The following DPH6 variants were observed in gnomAD, a reference collection of about 807,000 sequenced individuals.
DPH6 encodes the protein diphthamine biosynthesis 6, also known as diphthine--ammonia ligase.
In DPH6, 33 loss-of-function variants were observed where a neutral mutation model predicts 38.2. That is an observed-to-expected ratio of 0.86 (90% confidence interval 0.65 to 1.15). The LOEUF (loss-of-function observed/expected upper bound fraction) is 1.15. Among genes scored for constraint, DPH6 ranks in the 50% most tolerant of loss-of-function variants. DPH6 has a pLI of 0.00. For missense variants in DPH6, 325 were observed against 320.0 expected (o/e 1.02, Z -0.12); for synonymous variants, 108 against 103.0 (o/e 1.05, Z -0.30).
intron 3 of DPH6, among the ~76,000 whole-genome samples, chr15:35,470,749 T>C (rs10851976): frequency 0.9 from 136,437 of 152,208 alleles, 61,296 homozygotes; most frequent in East Asian, 1. Context: ...AAAATGTATC[T>C]GGCTTCACAG....
chr15:35,236,712 C>T (rs964831170), intron 3 of DPH6, among the ~76,000 whole-genome samples: 5 of 151,704 alleles, frequency 3.3e-5, no homozygotes, highest in African/African-American at 1.2e-4. Context: ...TTATATGTAT[C>T]CTAATGGTAA....
chr15:35,513,456 G>A (rs539883532), intron 3 of DPH6, among the ~76,000 whole-genome samples: 2 of 152,032 alleles, frequency 1.3e-5, no homozygotes, highest in East Asian at 1.9e-4. Flanking sequence ...AGAGGTAGAA[G>A]ACAGATGAAC....
At chr15:35,443,452 G>A (rs1372003023) in intron 5 of DPH6, among the ~76,000 whole-genome samples, 1 of 152,176 alleles carries the variant, frequency 6.6e-6, no homozygotes, top group East Asian at 1.9e-4. Context: ...CAGGCAAGGG[G>A]TCTGGAAAAA....
intron 5 of DPH6, among the ~76,000 whole-genome samples, chr15:35,439,068 TAA>T (rs1399759930): frequency 6.6e-6 from 1 of 152,230 alleles, no homozygotes; most frequent in East Asian, 1.9e-4. Flanking sequence ...GCAAAATTTA[TAA>T]AGAGTTATAA....
chr15:35,249,901 C>T (rs1365803969), intron 3 of DPH6, among the ~76,000 whole-genome samples: 15 of 152,100 alleles, frequency 9.9e-5, no homozygotes, highest in African/African-American at 2.2e-4. Flanking sequence ...CGGTGGCTCA[C>T]GCCTGTAATC....
intron 3 of DPH6, among the ~76,000 whole-genome samples, chr15:35,291,134 A>T (rs942838708): frequency 2.0e-5 from 3 of 152,182 alleles, no homozygotes; most frequent in Admixed American, 2.0e-4. Flanking sequence ...CTACATGCCT[A>T]CAAGCTGAAA....
At chr15:35,152,589 T>C in the DPH6 span, among the ~76,000 whole-genome samples, 1 of 152,148 alleles carries the variant, frequency 6.6e-6, no homozygotes, top group East Asian at 1.9e-4. Context: ...AACCTCCACC[T>C]CCCAGGTTCA....
the DPH6 span, among the ~76,000 whole-genome samples, chr15:35,175,427 A>G: frequency 6.6e-6 from 1 of 152,212 alleles, no homozygotes; most frequent in Non-Finnish European, 1.5e-5. Flanking sequence ...TTTACATGAA[A>G]AATGCTCTTC....
intron 3 of DPH6, among the ~76,000 whole-genome samples, chr15:35,248,323 C>T (rs1037229519): frequency 6.6e-6 from 1 of 152,198 alleles, no homozygotes; most frequent in Admixed American, 6.5e-5. Context: ...TCTAACTTTC[C>T]CCCACCTTTC....
chr15:35,200,860 A>C, the DPH6 span, among the ~76,000 whole-genome samples: 1 of 151,750 alleles, frequency 6.6e-6, no homozygotes, highest in Non-Finnish European at 1.5e-5. Flanking sequence ...TGCTTTAAGG[A>C]CCAAAGAGAA....
intron 3 of DPH6, among the ~76,000 whole-genome samples, chr15:35,467,480 C>T (rs777528369): frequency 3.9e-5 from 6 of 152,244 alleles, no homozygotes; most frequent in South Asian, 2.1e-4. Flanking sequence ...GCAGGAGAAT[C>T]GCCTGAACCT....
intron 7 of DPH6, among the ~76,000 whole-genome samples, chr15:35,381,230 G>A (rs954795112): frequency 3.3e-5 from 5 of 152,128 alleles, no homozygotes; most frequent in African/African-American, 1.2e-4. Context: ...ATAAATTAGA[G>A]CATGGATGAT....
Position 35,346,042 on chromosome 15 carries a change from A to G in DPH6, n.208-14965T>C, listed in dbSNP as rs112723944. ...TAATCAGTAAATAGTAAGTGAAACGAAAGTGCATCTCCTAGAGAATTAAAT... is the reference window on the plus strand; with the variant it reads ...TAATCAGTAAATAGTAAGTGAAACGGAAGTGCATCTCCTAGAGAATTAAAT... On this transcript the variant is annotated intron_variant and non_coding_transcript_variant, in intron 3 of 3. Transcript: ENST00000558973. Among the ~76,000 whole-genome samples, 304 of 152,182 alleles carry G rather than the reference A, an allele frequency of 2.0e-3. 1 individual carries two copies. Among genetic ancestry groups the G allele is most frequent in the Middle Eastern group, 6.8e-3 (2 of 294 alleles).
chr15:35,301,783 GC>G (rs2052055910), intron 3 of DPH6, among the ~76,000 whole-genome samples: 1 of 152,066 alleles, frequency 6.6e-6, no homozygotes, highest in Non-Finnish European at 1.5e-5. Flanking sequence ...GACCGGCCTG[GC>G]TAACATGGTA....
the DPH6 span, among the ~76,000 whole-genome samples, chr15:35,169,038 T>A: frequency 1.3e-5 from 2 of 152,072 alleles, no homozygotes; most frequent in African/African-American, 2.4e-5. Flanking sequence ...TTAAACAAAT[T>A]AAGTATATTA....
chr15:35,540,812 A>C (rs1036186342), intron 2 of DPH6, among the ~76,000 whole-genome samples: 2 of 152,096 alleles, frequency 1.3e-5, no homozygotes, highest in African/African-American at 4.8e-5. Context: ...AAAATAATTC[A>C]TGTGAAAGCT....
intron 6 of DPH6, chr15:35,400,592 T>C (rs1032031365): frequency 2.1e-5 from 9 of 419,246 alleles, no homozygotes; most frequent in South Asian, 2.0e-4. Context: ...TTTGAGAATA[T>C]AAACCTTGAC....
At chr15:35,244,052 T>TA (rs2051619081) in intron 3 of DPH6, among the ~76,000 whole-genome samples, 2 of 152,278 alleles carry the variant, frequency 1.3e-5, no homozygotes, top group Admixed American at 1.3e-4. Flanking sequence ...AGTATAGTAA[T>TA]AAAAGCTCTG....
chr15:35,448,624 G>T (rs1379845597), intron 5 of DPH6, among the ~76,000 whole-genome samples: 1 of 152,086 alleles, frequency 6.6e-6, no homozygotes, highest in Admixed American at 6.5e-5. Context: ...TGCCAAACTG[G>T]ATACTACCTA....
Sources: gnomAD v4.1 joint callset for allele counts (sites outside exome capture counted in the v4.1 genomes callset) on GRCh38, gnomAD v4.1.1 for gene constraint, MANE v1.5 for transcripts, NCBI Gene and HGNC (gene_info 2026-07-23, HGNC 2026-07-21) for gene names.